CCDC178: variants seen among roughly 807,000 people sequenced by gnomAD.
The protein encoded by CCDC178 is coiled-coil domain-containing protein 178.
CCDC178 carries 126 observed loss-of-function variants against 117.4 expected under a neutral mutation model. The ratio of observed to expected loss-of-function variants is 1.07; its 90% CI spans 0.93 to 1.24. The LOEUF is 1.24. Among genes scored for constraint, CCDC178 ranks in the 50% most tolerant of loss-of-function variants. The pLI is 0.00. For missense variants in CCDC178, 1,030 were observed against 986.9 expected, an observed-to-expected ratio of 1.04 and a Z score of -0.59; for synonymous variants, 283 against 313.4, an observed-to-expected ratio of 0.90 and a Z score of 1.02.
chr18:33,132,833 T>A (rs2058081638), intron 20 of CCDC178, among the ~76,000 whole-genome samples: 1 of 151,752 alleles, frequency 6.6e-6, no homozygotes, highest in Non-Finnish European at 1.5e-5. Context: ...CCTATTTCTT[T>A]CATTACCAAT....
intron 14 of CCDC178, among the ~76,000 whole-genome samples, chr18:33,257,948 C>T (rs141477129): frequency 1.0e-3 from 155 of 152,186 alleles, no homozygotes; most frequent in Middle Eastern, 6.8e-3. Context: ...CTTGTTATTT[C>T]AGCAAATAGC....
intron 21 of CCDC178, among the ~76,000 whole-genome samples, chr18:32,995,961 A>G (rs2055498621): frequency 7.3e-6 from 1 of 136,518 alleles, no homozygotes. Flanking sequence ...CTCTCTCTAT[A>G]TTTACATATA....
intron 17 of CCDC178, among the ~76,000 whole-genome samples, chr18:33,224,155 C>A (rs1338942728): frequency 6.6e-6 from 1 of 151,998 alleles, no homozygotes; most frequent in Non-Finnish European, 1.5e-5. Context: ...AGTTCTGGTG[C>A]CGAAATGTCT....
intron 19 of CCDC178, among the ~76,000 whole-genome samples, chr18:33,213,082 C>A (rs1171525095): frequency 6.6e-6 from 1 of 151,862 alleles, no homozygotes; most frequent in Non-Finnish European, 1.5e-5. Flanking sequence ...CCATTTAATA[C>A]AACAAAAACC....
chr18:33,295,807 G>T (rs894266949), intron 11 of CCDC178, among the ~76,000 whole-genome samples: 2 of 152,126 alleles, frequency 1.3e-5, no homozygotes, highest in African/African-American at 4.8e-5. Flanking sequence ...TAGAGAAACT[G>T]GATCTCTCAT....
rs774283042 is a variant in CCDC178 at position 33,333,190 on chromosome 18, T to A, written c.863A>T (p.Tyr288Phe). Residue 288 changes from tyrosine to phenylalanine, a missense_variant, in exon 10 of 23, where the codon TAT (tyrosine) becomes TTT (phenylalanine). Transcript: ENST00000383096. ...TTTATTTACCTCCATTTTTTTTTTA[T>A]AATGGTTCTTCAGATCTTGAAGTTC... ...NQELQDLKNHYKKKMEVMDLH... is the reference protein window; with the variant it reads ...NQELQDLKNHFKKKMEVMDLH... 1 of 1,586,908 alleles carries A rather than the reference T, an allele frequency of 6.3e-7. No homozygotes were observed. Among genetic ancestry groups the A allele is most frequent in the East Asian group, 2.2e-5 (1 of 44,526 alleles).
intron 9 of CCDC178, among the ~76,000 whole-genome samples, chr18:33,344,470 T>A (rs958648866): frequency 6.6e-6 from 1 of 152,152 alleles, no homozygotes; most frequent in Admixed American, 6.5e-5. Context: ...TTGTCACCCA[T>A]AACAAATATT....
chr18:33,349,829 G>C (rs1185278219), intron 7 of CCDC178, among the ~76,000 whole-genome samples: 2 of 151,630 alleles, frequency 1.3e-5, no homozygotes, highest in African/African-American at 2.4e-5. Flanking sequence ...AGATCAAATA[G>C]AATAGTCTAA....
intron 21 of CCDC178, among the ~76,000 whole-genome samples, chr18:33,019,699 G>A (rs1241814408): frequency 3.3e-5 from 5 of 151,740 alleles, no homozygotes; most frequent in Non-Finnish European, 4.4e-5. Context: ...TTACAGTAAG[G>A]AAACTGAGAC....
chr18:33,003,920 C>CCTTT, intron 21 of CCDC178, among the ~76,000 whole-genome samples: 1 of 151,612 alleles, frequency 6.6e-6, no homozygotes, highest in Non-Finnish European at 1.5e-5. Context: ...GAAAGTAATC[C>CCTTT]CATTTGCAAT....
At chr18:33,405,757 G>A (rs1215091416) in intron 3 of CCDC178, among the ~76,000 whole-genome samples, 1 of 152,008 alleles carries the variant, frequency 6.6e-6, no homozygotes, top group Non-Finnish European at 1.5e-5. Flanking sequence ...TACAGGCAGT[G>A]AATCTTGAAT....
chr18:33,325,897 G>A (rs1160869673), intron 10 of CCDC178, among the ~76,000 whole-genome samples: 1 of 152,188 alleles, frequency 6.6e-6, no homozygotes, highest in South Asian at 2.1e-4. Context: ...GTGGCATTCG[G>A]TGCATTCACA....
At chr18:33,303,679 A>T (rs4799686) in intron 11 of CCDC178, among the ~76,000 whole-genome samples, 125,546 of 147,238 alleles carry the variant, frequency 0.85, 53,667 homozygotes, top group East Asian at 0.98. Flanking sequence ...TCTAGTTTTT[A>T]AAAAAAAAAA....
At chr18:33,272,401 T>A (rs144752240) in intron 12 of CCDC178, among the ~76,000 whole-genome samples, 1 of 151,552 alleles carries the variant, frequency 6.6e-6, no homozygotes. Flanking sequence ...TAAACTGAAT[T>A]AATAATCAAA....
At chr18:33,245,100 G>A (rs2059532588) in intron 15 of CCDC178, 145 bp downstream of exon 15, 2 of 710,904 alleles carry the variant, frequency 2.8e-6, no homozygotes, top group Admixed American at 8.1e-5. Context: ...GAGAGAGGTG[G>A]TTTTCTTCTC....
chr18:33,249,509 A>G (rs916797075), intron 14 of CCDC178, among the ~76,000 whole-genome samples: 6 of 152,070 alleles, frequency 3.9e-5, no homozygotes, highest in Admixed American at 6.6e-5. Context: ...TCCCAGCACC[A>G]TTTACTAAAT....
chr18:33,315,481 C>G (rs1187799832), intron 11 of CCDC178, among the ~76,000 whole-genome samples: 1 of 152,192 alleles, frequency 6.6e-6, no homozygotes, highest in Non-Finnish European at 1.5e-5. Flanking sequence ...TAGCTACCAT[C>G]CTACTTATCT....
intron 21 of CCDC178, among the ~76,000 whole-genome samples, chr18:33,008,507 A>G (rs2055795690): frequency 6.6e-6 from 1 of 151,914 alleles, no homozygotes; most frequent in Non-Finnish European, 1.5e-5. Flanking sequence ...CCTTTCACAC[A>G]TTTCCTCCTC....
At chr18:32,953,205 C>T (rs569745430) in intron 22 of CCDC178, among the ~76,000 whole-genome samples, 2 of 152,226 alleles carry the variant, frequency 1.3e-5, no homozygotes, top group Non-Finnish European at 2.9e-5. Context: ...AAAATGCTGC[C>T]AGTCTCTTTG....
Sources: gnomAD v4.1 joint callset for allele counts (sites outside exome capture counted in the v4.1 genomes callset) on GRCh38, gnomAD v4.1.1 for gene constraint, MANE v1.5 for transcripts, NCBI Gene and HGNC (gene_info 2026-07-23, HGNC 2026-07-21) for gene names.